Variants in DTNA observed in about 807,000 individuals in gnomAD.
DTNA encodes dystrobrevin alpha.
In DTNA, 43 loss-of-function variants were observed where a neutral mutation model predicts 100.7. That is an observed-to-expected ratio of 0.43 (90% CI 0.33 to 0.55). DTNA has a LOEUF of 0.55. Among genes scored for constraint, DTNA ranks in the 20% least tolerant of loss-of-function variants. The pLI, the probability that DTNA is intolerant of heterozygous loss-of-function variation, is 0.04. For synonymous variants in DTNA, 349 were observed against 347.9 expected (o/e 1.00, Z -0.04); for missense variants, 798 against 953.9 (o/e 0.84, Z 2.15).
At chr18:34,712,027 C>T (rs1189524534) in intron 1 of DTNA, among the ~76,000 whole-genome samples, 1 of 151,816 alleles carries the variant, frequency 6.6e-6, no homozygotes, top group Non-Finnish European at 1.5e-5. Flanking sequence ...TAGGGAGTTT[C>T]TAAAAATCAG....
At chr18:34,778,459 T>C (rs2094163742) in intron 3 of DTNA, among the ~76,000 whole-genome samples, 1 of 152,216 alleles carries the variant, frequency 6.6e-6, no homozygotes, top group South Asian at 2.1e-4. Flanking sequence ...AAAATGTACA[T>C]AACATTTTAA....
chr18:34,858,438 G>A (rs1461936221), intron 16 of DTNA, 40 bp downstream of exon 16: 3 of 1,593,004 alleles, frequency 1.9e-6, no homozygotes, highest in African/African-American at 2.7e-5. Context: ...GAATATATAT[G>A]TGTCAGATCT....
At chr18:34,522,141 C>A (rs1041142806) in intron 1 of DTNA, among the ~76,000 whole-genome samples, 1 of 152,128 alleles carries the variant, frequency 6.6e-6, no homozygotes, top group South Asian at 2.1e-4. Flanking sequence ...TTATTCATGA[C>A]CTTGTTTGCC....
At chr18:34,884,860 T>G in intron 22 of DTNA, 84 bp downstream of exon 22, 3 of 1,456,248 alleles carry the variant, frequency 2.1e-6, no homozygotes, top group Non-Finnish European at 2.9e-6. Flanking sequence ...CAATCACTTC[T>G]CTTAGTCATT....
intron 21 of DTNA, among the ~76,000 whole-genome samples, 198 bp downstream of exon 21, chr18:34,882,399 C>T (rs1306279966): frequency 6.6e-6 from 1 of 151,984 alleles, no homozygotes; most frequent in Non-Finnish European, 1.5e-5. Context: ...GACAGAATTT[C>T]ACTCTGTTGC....
chr18:34,724,814 C>A (rs1332533058), intron 1 of DTNA, among the ~76,000 whole-genome samples: 1 of 152,184 alleles, frequency 6.6e-6, no homozygotes, highest in East Asian at 1.9e-4. Flanking sequence ...GGAGGCATAA[C>A]ACTACCTGAC....
intron 19 of DTNA, among the ~76,000 whole-genome samples, chr18:34,878,421 A>G: frequency 6.6e-6 from 1 of 152,206 alleles, no homozygotes; most frequent in East Asian, 1.9e-4. Flanking sequence ...GTTAACATCT[A>G]TGGTGACCTA....
At chr18:34,676,394 C>T (rs1339712627) in intron 1 of DTNA, among the ~76,000 whole-genome samples, 2 of 152,168 alleles carry the variant, frequency 1.3e-5, no homozygotes, top group Admixed American at 1.3e-4. Context: ...TAGCTCCAAT[C>T]CAGACCCTGG....
intron 1 of DTNA, among the ~76,000 whole-genome samples, chr18:34,572,595 T>TA (rs1465883836): frequency 5.9e-5 from 9 of 152,132 alleles, no homozygotes; most frequent in Admixed American, 5.9e-4. Flanking sequence ...CTTAGAAACT[T>TA]AAGTGAGTTT....
chr18:34,618,530 C>G (rs1042323479), intron 1 of DTNA, among the ~76,000 whole-genome samples: 2 of 152,140 alleles, frequency 1.3e-5, no homozygotes, highest in African/African-American at 4.8e-5. Context: ...TTACAATTCT[C>G]TCAGTCTCTC....
In DTNA at chr18:34,838,653, C is replaced by G. The variant is rs564706809; in HGVS notation, c.1254-92C>G. ...CTTTACCTGCTTGGTTTTCTAAATG[C>G]CTTTTCTACCAAAAACTCACTCCTA... On this transcript the variant is annotated intron_variant, in intron 12 of 22. Transcript: ENST00000444659. The G allele has an allele frequency of 2.8e-5, 30 of 1,068,920 alleles. No homozygotes were observed. The South Asian group carries it at 3.2e-4, about 11-fold the overall frequency. The allele number at this position is 1,068,920 out of a possible 1,614,324, so 66.2% of individuals were successfully genotyped here. A position where few individuals can be genotyped will look rare whatever the true frequency, so the allele number is the denominator to read the frequency against.
At chr18:34,571,367 A>G (rs960465841) in intron 1 of DTNA, among the ~76,000 whole-genome samples, 2 of 152,154 alleles carry the variant, frequency 1.3e-5, no homozygotes, top group Non-Finnish European at 2.9e-5. Flanking sequence ...CAACTCTCAT[A>G]CTGTGTGCTT....
At chr18:34,787,318 T>A (rs1428947178) in intron 3 of DTNA, among the ~76,000 whole-genome samples, 7 of 152,210 alleles carry the variant, frequency 4.6e-5, no homozygotes, top group Admixed American at 4.6e-4. Context: ...TCCACTCTTT[T>A]ATATTTTGGA....
At chr18:34,621,739 C>T (rs115446954) in intron 1 of DTNA, among the ~76,000 whole-genome samples, 7 of 152,108 alleles carry the variant, frequency 4.6e-5, no homozygotes, top group Non-Finnish European at 7.4e-5. Flanking sequence ...AGTTCAAGAA[C>T]TCTATTGTAC....
intron 1 of DTNA, among the ~76,000 whole-genome samples, chr18:34,533,414 T>C (rs947064864): frequency 6.6e-6 from 1 of 151,768 alleles, no homozygotes; most frequent in African/African-American, 2.4e-5. Flanking sequence ...TGAAGATGCT[T>C]GCCAAGTTTA....
intron 1 of DTNA, among the ~76,000 whole-genome samples, chr18:34,748,282 C>T (rs1320814448): frequency 6.6e-6 from 1 of 152,104 alleles, no homozygotes; most frequent in African/African-American, 2.4e-5. Flanking sequence ...CTGATTATTT[C>T]TTTTGCTGTG....
At chr18:34,578,562 G>GT (rs145048255) in intron 1 of DTNA, among the ~76,000 whole-genome samples, 5,899 of 152,056 alleles carry the variant, frequency 0.039, 295 homozygotes, top group African/African-American at 0.12. Flanking sequence ...GTCTGGAAGG[G>GT]TTTTTTTGAT....
intron 1 of DTNA, among the ~76,000 whole-genome samples, chr18:34,506,352 G>A (rs1438870204): frequency 6.6e-6 from 1 of 151,988 alleles, no homozygotes; most frequent in Non-Finnish European, 1.5e-5. Flanking sequence ...GAGGAATAGG[G>A]GGGGTCTTTA....
intron 1 of DTNA, among the ~76,000 whole-genome samples, chr18:34,643,197 T>C (rs181129041): frequency 6.6e-6 from 1 of 152,356 alleles, no homozygotes; most frequent in Admixed American, 6.5e-5. Context: ...GGGCCTCTCC[T>C]GTGTTAACCA....
Sources: gnomAD v4.1 joint callset for allele counts (sites outside exome capture counted in the v4.1 genomes callset) on GRCh38, gnomAD v4.1.1 for gene constraint, MANE v1.5 for transcripts, NCBI Gene and HGNC (gene_info 2026-07-23, HGNC 2026-07-21) for gene names.